The following TUBA8 variants were observed in gnomAD, a reference collection of about 807,000 sequenced individuals.
The protein encoded by TUBA8 is tubulin alpha-8 chain.
A neutral mutation model predicts 34.7 loss-of-function variants in TUBA8; 29 were observed. The ratio of observed to expected loss-of-function variants is 0.84; its 90% CI spans 0.62 to 1.14. The LOEUF (loss-of-function observed/expected upper bound fraction) is 1.14, where lower values mean the gene tolerates loss of function less well. Ranked by LOEUF, TUBA8 falls within the 50% of genes most tolerant of loss-of-function variation. The probability of loss-of-function intolerance (pLI) is 0.00; values close to 1 mark genes in which losing one functional copy is unlikely to be tolerated. For synonymous variants in TUBA8, 226 were observed against 231.2 expected, an observed-to-expected ratio of 0.98 and a Z score of 0.21; for missense variants, 541 against 599.2, an observed-to-expected ratio of 0.90 and a Z score of 1.01.
At chr22:18,117,182 GAAT>G (rs1928000604) in intron 1 of TUBA8, 1 of 152,132 alleles carries the variant, frequency 6.6e-6, no homozygotes, top group Admixed American at 6.5e-5. Flanking sequence ...TTAAGAAGAA[GAAT>G]GATTTTTCCA....
At chr22:18,123,820 C>T (rs1042620073) in intron 2 of TUBA8, 4 of 339,512 alleles carry the variant, frequency 1.2e-5, no homozygotes, top group Non-Finnish European at 2.3e-5. Flanking sequence ...GGCAATCTGC[C>T]CGCCTCGGCC....
In TUBA8 at chr22:18,124,168, C is replaced by T. The variant is rs749757212; in HGVS notation, c.239C>T (p.Ala80Val). 3 of 1,614,170 alleles carry T rather than the reference C, an allele frequency of 1.9e-6. No homozygotes were observed. The South Asian group carries it at 3.3e-5, about 18-fold the overall frequency. The change falls in exon 3 of 5, where the codon GCA (alanine) becomes GTA (valine). Residue 80 changes from alanine (A) to valine (V), a missense_variant. By Grantham distance (64) the Ala-to-Val change is moderately conservative. Transcript: ENST00000330423. This position sits in a 1 kb window ranked among gnomAD's most constrained non-coding sequence, Gnocchi z 4.3. ...CCTCTCTTGGAAGATGAGGTTCGGG[C>T]AGGAACCTACCGCCAGCTCTTCCAT... The part of the protein sequence containing the change: ...LEPTVVDEVR[A>V]GTYRQLFHPE...
At chr22:18,117,377 C>T (rs962380420) in intron 1 of TUBA8, 12 of 152,420 alleles carry the variant, frequency 7.9e-5, no homozygotes, top group African/African-American at 2.9e-4. Context: ...TTTGTTCAAA[C>T]AAGAATTCAG....
At chr22:18,117,792 A>T (rs1928018147) in intron 1 of TUBA8, 1 of 151,294 alleles carries the variant, frequency 6.6e-6, no homozygotes, top group African/African-American at 2.4e-5. Flanking sequence ...AAAAAAAAAA[A>T]AGAAAGTAAA....
intron 4 of TUBA8, chr22:18,130,553 A>C: frequency 2.1e-6 from 1 of 472,044 alleles, no homozygotes; most frequent in Non-Finnish European, 3.9e-6. Context: ...CTCCCTGAGT[A>C]GCTGGGACTA....
intron 4 of TUBA8, chr22:18,128,995 A>C (rs561770875): frequency 6.6e-6 from 1 of 152,390 alleles, no homozygotes; most frequent in South Asian, 2.1e-4. Context: ...TGCTGGCCTC[A>C]TAGCTGCCCT....
chr22:18,124,417 G>A lies in TUBA8; in HGVS notation c.375+113G>A. 5 of 1,297,742 alleles carry A rather than the reference G, an allele frequency of 3.9e-6. No individual in the cohort carries two copies. The highest frequency in any genetic ancestry group is 5.2e-6 in the Non-Finnish European group (5 of 960,570). The allele number at this position is 1,297,742 out of a possible 1,614,324, so 80.4% of individuals were successfully genotyped here. ...ATCTGACCCCTGGCTATAGGATGGA[G>A]CTCCTAAGGTTTGGGAATTTCTGCT... On this transcript the variant is annotated intron_variant, in intron 3 of 4. Transcript: ENST00000330423. This position sits in a 1 kb window ranked among gnomAD's most constrained non-coding sequence, Gnocchi z 4.3.
At position 18,126,717 on chromosome 22, in the gene TUBA8, G is replaced by A; in HGVS notation, c.739G>A (p.Ala247Thr). Residue 247 changes from alanine (A) to threonine (T), a missense_variant, in exon 4 of 5, where the codon GCC becomes ACC. Coordinates refer to ENST00000330423, the MANE Select transcript of TUBA8 (RefSeq NM_018943.3). This position sits in a 1 kb window ranked among gnomAD's most constrained non-coding sequence, Gnocchi z 4.0. The stretch of plus-strand genomic sequence containing the variant: ...CACTGCTTCTCTCCGCTTTGACGGG[G>A]CCCTCAATGTGGACCTCACTGAGTT... Reference protein sequence around the residue: ...SITASLRFDGALNVDLTEFQT... With the variant: ...SITASLRFDGTLNVDLTEFQT... 1 of 1,614,054 alleles carries A rather than the reference G, an allele frequency of 6.2e-7. No individual in the cohort carries two copies. Among genetic ancestry groups the A allele is most frequent in the Non-Finnish European group, 8.5e-7 (1 of 1,180,020 alleles).
At chr22:18,112,533 T>G (rs953434044) in intron 1 of TUBA8, 13 of 152,244 alleles carry the variant, frequency 8.5e-5, no homozygotes, top group African/African-American at 3.1e-4. Flanking sequence ...AGAGGATGTT[T>G]ACAGGGGCGT....
At chr22:18,128,364 G>C (rs1928402698) in intron 4 of TUBA8, 1 of 152,086 alleles carries the variant, frequency 6.6e-6, no homozygotes, top group Admixed American at 6.5e-5. Flanking sequence ...TGGGGCCCCA[G>C]GACCAGGAAT....
rs368068152 is a variant in TUBA8, at chr22:18,130,615, T to C, written c.1057-228T>C. Reference sequence around the variant, plus strand: ...ATTTTTTTTTTTTTTTTGGTAGAGATGGGTTTTTGCTCTGTTGCCCTGCCT... The same window carrying C: ...ATTTTTTTTTTTTTTTTGGTAGAGACGGGTTTTTGCTCTGTTGCCCTGCCT... On this transcript the variant is annotated intron_variant, in intron 4 of 4. Transcript: ENST00000330423. The C allele has an allele frequency of 1.7e-3, 977 of 558,902 alleles. 9 individuals carry two copies. The highest frequency in any genetic ancestry group is 0.017 in the African/African-American group (889 of 51,652). 34.6% of individuals were successfully genotyped at this position (558,902 alleles called of 1,614,324 possible).
At position 18,118,791 on chromosome 22, in the gene TUBA8, G is replaced by A. The variant is rs1256587053; in HGVS notation, c.4-2688G>A. 6.6e-6 allele frequency: 1 copy of A among 152,216 alleles called. No homozygotes were observed. The highest frequency in any genetic ancestry group is 2.4e-5 in the African/African-American group (1 of 41,438). The allele number at this position is 152,216 out of a possible 1,614,324, so 9.4% of individuals were successfully genotyped here. On this transcript the variant is annotated intron_variant, in intron 1 of 4. Coordinates refer to ENST00000330423, the MANE Select transcript of TUBA8 (RefSeq NM_018943.3). This position sits in a 1 kb window ranked among gnomAD's most constrained non-coding sequence, Gnocchi z 4.0. ...GGGGCGGGGGAGAGAGAAAGAGACA[G>A]ACATTTTGTAAAAGACTGGCATATG...
rs1166467870 is a variant in TUBA8, at chr22:18,130,893, C to T, written c.1107C>T (p.Ala369=). 1 of 1,614,160 alleles carries T rather than the reference C, an allele frequency of 6.2e-7. No individual in the cohort carries two copies. Among genetic ancestry groups the T allele is most frequent in the East Asian group, 2.2e-5 (1 of 44,878 alleles). Residue 369 remains alanine, a synonymous_variant, in exon 5 of 5, where the codon GCC becomes GCT. Coordinates refer to ENST00000330423, the MANE Select transcript of TUBA8 (RefSeq NM_018943.3). ...PPTVVPGGDL[A]KVQRAVCMLS... is the part of the protein sequence containing the mutation. ...CCGTGGTCCCCGGGGGAGACCTGGC[C>T]AAGGTGCAGCGGGCCGTCTGCATGC...
At chr22:18,114,129 G>T (rs1395365139) in intron 1 of TUBA8, 2 of 152,316 alleles carry the variant, frequency 1.3e-5, no homozygotes, top group African/African-American at 4.8e-5. Flanking sequence ...TGTGGCCTTT[G>T]TGGTTGGCAT....
Position 18,118,642 on chromosome 22 carries a change from C to G in TUBA8, c.4-2837C>G, listed in dbSNP as rs1928048376. On this transcript the variant is annotated intron_variant, in intron 1 of 4. Transcript: ENST00000330423. This position sits in a 1 kb window ranked among gnomAD's most constrained non-coding sequence, Gnocchi z 4.0. ...TCTTGATTGGTGTAGCTACTTTTCA[C>G]TTTTGAGAGCACCTATGAATCTGTC... The G allele has an allele frequency of 6.6e-6, 1 of 152,206 alleles. No individual in the cohort carries two copies. The highest frequency in any genetic ancestry group is 1.5e-5 in the Non-Finnish European group (1 of 68,044). 9.4% of individuals were successfully genotyped at this position (152,206 alleles called of 1,614,324 possible).
intron 1 of TUBA8, chr22:18,114,114 C>A (rs963985661): frequency 6.6e-6 from 1 of 152,304 alleles, no homozygotes; most frequent in Non-Finnish European, 1.5e-5. Flanking sequence ...ACGGACAGCA[C>A]TATCTGTGGC....
In TUBA8 at chr22:18,111,346, C is replaced by G. The variant is rs1466612287; in HGVS notation, c.3+478C>G. On this transcript the variant is annotated intron_variant, in intron 1 of 4. Transcript: ENST00000330423. The surrounding 1 kb of genome is among the most constrained non-coding windows in gnomAD (Gnocchi z 5.1). ...AGGACCTAGGGCGCCACGGTCCCCC[C>G]ACGCGTGGAGGTCTTTCTCGCAAGC... 2.4e-5 allele frequency: 4 copies of G among 167,608 alleles called. No homozygotes were observed. Among genetic ancestry groups the G allele is most frequent in the East Asian group, 1.6e-4 (1 of 6,140 alleles). 10.4% of individuals were successfully genotyped at this position (167,608 alleles called of 1,614,324 possible).
Position 18,126,827 on chromosome 22 carries a change from C to T in TUBA8, c.849C>T (p.His283=), listed in dbSNP as rs1224448846. ...TCATCTCTGCCGAGAAAGCCTATCA[C>T]GAACAGCTCTCTGTGGCCGAGATAA... ...APIISAEKAY[H]EQLSVAEITS... Residue 283 remains histidine, a synonymous_variant, in exon 4 of 5, where the codon CAC becomes CAT. Coordinates refer to ENST00000330423, the MANE Select transcript of TUBA8 (RefSeq NM_018943.3). This position sits in a 1 kb window ranked among gnomAD's most constrained non-coding sequence, Gnocchi z 4.0. The T allele has an allele frequency of 8.7e-6, 14 of 1,613,380 alleles. No individual in the cohort carries two copies. The highest frequency in any genetic ancestry group is 2.2e-5 in the East Asian group (1 of 44,878).
At position 18,111,076 on chromosome 22, in the gene TUBA8, C is replaced by A; in HGVS notation, c.3+208C>A. 2 of 709,112 alleles carry A rather than the reference C, an allele frequency of 2.8e-6. No individual in the cohort carries two copies. Among genetic ancestry groups the A allele is most frequent in the Admixed American group, 5.0e-5 (2 of 40,140 alleles). 43.9% of individuals were successfully genotyped at this position (709,112 alleles called of 1,614,324 possible). A position where few individuals can be genotyped will look rare whatever the true frequency, so the allele number is the denominator to read the frequency against. The stretch of plus-strand genomic sequence containing the variant: ...GTATGGGGGAAATAGAGACCAGGGG[C>A]CAGTTGTTCCTTAAAGGGACCTAAG... On this transcript the variant is annotated intron_variant, in intron 1 of 4. Transcript: ENST00000330423. The surrounding 1 kb of genome is among the most constrained non-coding windows in gnomAD (Gnocchi z 5.1).
Sources: allele counts gnomAD v4.1 joint callset, GRCh38; gene constraint gnomAD v4.1.1; non-coding constraint Gnocchi (gnomAD v3.1); transcripts MANE v1.5; gene names NCBI Gene and HGNC (gene_info 2026-07-23, HGNC 2026-07-21).